Variants in GRID2 observed in about 807,000 individuals in gnomAD.
GRID2 encodes the protein glutamate ionotropic receptor delta type subunit 2, also known as glutamate receptor ionotropic, delta-2.
GRID2 carries 33 observed loss-of-function variants against 114.8 expected under a neutral mutation model. That is an observed-to-expected ratio of 0.29 (90% confidence interval 0.22 to 0.38). The LOEUF (loss-of-function observed/expected upper bound fraction) is 0.38. Ranked by LOEUF, GRID2 falls within the 10% of genes least tolerant of loss-of-function variation. GRID2 has a pLI of 1.00. For missense variants in GRID2, 1,184 were observed against 1,257.7 expected, an observed-to-expected ratio of 0.94 and a Z score of 0.89; for synonymous variants, 505 against 449.9, an observed-to-expected ratio of 1.12 and a Z score of -1.55.
At chr4:93,506,023 C>A (rs536396505) in intron 12 of GRID2, among the ~76,000 whole-genome samples, 1 of 152,244 alleles carries the variant, frequency 6.6e-6, no homozygotes, top group South Asian at 2.1e-4. Context: ...TGCAGCATTT[C>A]CATCTTCCCT....
At chr4:92,646,637 C>T (rs1012449253) in intron 2 of GRID2, among the ~76,000 whole-genome samples, 1 of 152,204 alleles carries the variant, frequency 6.6e-6, no homozygotes, top group African/African-American at 2.4e-5. Flanking sequence ...CAGTTTAATC[C>T]TTTTGATTTG....
intron 2 of GRID2, among the ~76,000 whole-genome samples, chr4:92,675,529 A>G (rs1347733977): frequency 6.7e-6 from 1 of 148,846 alleles, no homozygotes; most frequent in African/African-American, 2.5e-5. Flanking sequence ...ACTAAGAAAC[A>G]CCAGTCTCTG....
chr4:93,691,214 G>T (rs1726535649), intron 14 of GRID2, among the ~76,000 whole-genome samples: 1 of 151,782 alleles, frequency 6.6e-6, no homozygotes, highest in Non-Finnish European at 1.5e-5. Flanking sequence ...ACTTAATGAT[G>T]ATCTTTGGAT....
At position 93,219,931 on chromosome 4, in the gene GRID2, G is replaced by C. The variant is rs116373745; in HGVS notation, c.963+3020G>C. Among the ~76,000 whole-genome samples the C allele has an allele frequency of 9.4e-3, 1,433 of 152,224 alleles. 16 individuals carry two copies. Among genetic ancestry groups the C allele is most frequent in the Non-Finnish European group, 0.016 (1,107 of 68,014 alleles). ...AAGGAGCAGGGAGATAGCAAGAGTA[G>C]GGGCACTGCTTTGAATTAGGCTTGC... On this transcript the variant is annotated intron_variant, in intron 6 of 15. Transcript: ENST00000282020.
At chr4:92,763,094 T>A (rs925721659) in intron 2 of GRID2, among the ~76,000 whole-genome samples, 1 of 152,196 alleles carries the variant, frequency 6.6e-6, no homozygotes, top group African/African-American at 2.4e-5. Context: ...TTTTTTACCC[T>A]CTCAGCTAGG....
intron 13 of GRID2, among the ~76,000 whole-genome samples, chr4:93,565,637 AT>A (rs1735340111): frequency 6.6e-6 from 1 of 152,226 alleles, no homozygotes; most frequent in Non-Finnish European, 1.5e-5. Context: ...GAGTAAGCAA[AT>A]TATTCCATAA....
intron 1 of GRID2, among the ~76,000 whole-genome samples, chr4:92,396,722 C>A (rs964253536): frequency 6.6e-6 from 1 of 151,936 alleles, no homozygotes. Flanking sequence ...TATTTTAATC[C>A]CTTACTCTTT....
intron 2 of GRID2, among the ~76,000 whole-genome samples, chr4:92,699,342 A>C (rs1734561566): frequency 6.6e-6 from 1 of 152,132 alleles, no homozygotes; most frequent in Non-Finnish European, 1.5e-5. Context: ...AGTGAGTGCA[A>C]AAGGGCAGTT....
chr4:92,835,790 G>T (rs1328284159), intron 2 of GRID2, among the ~76,000 whole-genome samples: 1 of 152,000 alleles, frequency 6.6e-6, no homozygotes, highest in Non-Finnish European at 1.5e-5. Flanking sequence ...TTGTTTTAAT[G>T]GTAATGAGTG....
intron 1 of GRID2, among the ~76,000 whole-genome samples, chr4:92,574,413 A>ATTTTTTT (rs58296126): frequency 8.9e-6 from 1 of 112,410 alleles, no homozygotes; most frequent in African/African-American, 3.3e-5. Context: ...GTACTTTAGT[A>ATTTTTTT]TTTTTTTTTT....
At chr4:93,133,403 T>G (rs1203950676) in intron 4 of GRID2, among the ~76,000 whole-genome samples, 1 of 152,200 alleles carries the variant, frequency 6.6e-6, no homozygotes, top group Non-Finnish European at 1.5e-5. Flanking sequence ...CATAGTTTTG[T>G]GCTATGTTTC....
chr4:92,823,679 A>T (rs1741460856), intron 2 of GRID2, among the ~76,000 whole-genome samples: 1 of 152,184 alleles, frequency 6.6e-6, no homozygotes, highest in African/African-American at 2.4e-5. Context: ...GTTATGATTA[A>T]TTTTAGTGTG....
intron 12 of GRID2, among the ~76,000 whole-genome samples, chr4:93,514,238 A>C (rs1003790761): frequency 6.6e-6 from 1 of 152,146 alleles, no homozygotes; most frequent in Non-Finnish European, 1.5e-5. Context: ...GAGACTCAGA[A>C]ACTCAAATGG....
At chr4:93,274,922 C>T (rs1345538077) in intron 8 of GRID2, among the ~76,000 whole-genome samples, 1 of 151,918 alleles carries the variant, frequency 6.6e-6, no homozygotes, top group Non-Finnish European at 1.5e-5. Flanking sequence ...AGTTATAAAT[C>T]AAATACCATA....
At chr4:92,800,638 A>T (rs77194176) in intron 2 of GRID2, among the ~76,000 whole-genome samples, 3,788 of 152,064 alleles carry the variant, frequency 0.025, 107 homozygotes, top group Admixed American at 0.065. Flanking sequence ...ACTTGTGGGC[A>T]TTCAGAAACA....
chr4:93,335,229 C>G (rs1758924442), intron 8 of GRID2, among the ~76,000 whole-genome samples: 1 of 152,174 alleles, frequency 6.6e-6, no homozygotes, highest in Admixed American at 6.5e-5. Flanking sequence ...AAAGGAATCT[C>G]TCTGACACTT....
intron 6 of GRID2, among the ~76,000 whole-genome samples, chr4:93,217,648 C>A (rs919249546): frequency 2.6e-5 from 4 of 151,814 alleles, no homozygotes; most frequent in Admixed American, 1.3e-4. Flanking sequence ...AGCAGGGAGC[C>A]TTAAGGAGCC....
chr4:93,540,112 AT>A (rs1170564367), intron 13 of GRID2, among the ~76,000 whole-genome samples: 1 of 151,636 alleles, frequency 6.6e-6, no homozygotes, highest in Non-Finnish European at 1.5e-5. Context: ...TTCCTTGGAA[AT>A]TTTCTATTCT....
chr4:92,327,781 C>A (rs1726674729), intron 1 of GRID2, among the ~76,000 whole-genome samples: 1 of 151,878 alleles, frequency 6.6e-6, no homozygotes, highest in South Asian at 2.1e-4. Context: ...GACATTTCAA[C>A]ATTGTTTCTG....
Sources: allele counts gnomAD v4.1 joint callset (sites outside exome capture counted in the v4.1 genomes callset), GRCh38; gene constraint gnomAD v4.1.1; transcripts MANE v1.5; gene names NCBI Gene and HGNC (gene_info 2026-07-23, HGNC 2026-07-21).